MSANTD5: variants seen among roughly 807,000 people sequenced by gnomAD.
MSANTD5 encodes uncharacterized protein MSANTD5.
chr5:178,705,072 G>A, the MSANTD5 span, among the ~76,000 whole-genome samples: 2 of 151,324 alleles, frequency 1.3e-5, no homozygotes, highest in African/African-American at 4.9e-5. Flanking sequence ...TTTTTGAGAC[G>A]GAATCTTGCT....
intron 1 of MSANTD5, among the ~76,000 whole-genome samples, chr5:178,697,220 C>T (rs4257793): frequency 0.13 from 20,007 of 151,612 alleles, 1,584 homozygotes; most frequent in African/African-American, 0.21. Flanking sequence ...TTTGGGAGGC[C>T]GAGGCGGGCG....
downstream of MSANTD5, among the ~76,000 whole-genome samples, chr5:178,691,587 T>C (rs1453887877): frequency 1.5e-5 from 2 of 135,812 alleles, 1 homozygote; most frequent in Non-Finnish European, 3.3e-5. Context: ...TGAAAGCCCA[T>C]AAGAAGGGCA....
chr5:178,706,530 A>G, the MSANTD5 span, among the ~76,000 whole-genome samples: 2 of 151,852 alleles, frequency 1.3e-5, no homozygotes, highest in African/African-American at 4.8e-5. Context: ...CTCCAGTGGT[A>G]TAACTTTGCC....
At chr5:178,707,380 T>G in the MSANTD5 span, among the ~76,000 whole-genome samples, 1 of 151,870 alleles carries the variant, frequency 6.6e-6, no homozygotes, top group Admixed American at 6.6e-5. Context: ...ATAGGACACC[T>G]TCTACAGCCT....
upstream of MSANTD5, among the ~76,000 whole-genome samples, chr5:178,700,133 C>T (rs1765461223): frequency 1.3e-5 from 2 of 152,140 alleles, no homozygotes; most frequent in Non-Finnish European, 2.9e-5. Flanking sequence ...CTCCTGCAGG[C>T]CCCCGTCGCC....
upstream of MSANTD5, among the ~76,000 whole-genome samples, chr5:178,702,490 G>T (rs111783227): frequency 2.0e-5 from 3 of 151,658 alleles, no homozygotes; most frequent in Non-Finnish European, 2.9e-5. Context: ...TAGTAGAGAC[G>T]GGCTTTCACC....
At chr5:178,697,250 C>A (rs370133371) in intron 1 of MSANTD5, among the ~76,000 whole-genome samples, 1 of 150,414 alleles carries the variant, frequency 6.6e-6, no homozygotes, top group Non-Finnish European at 1.5e-5. Context: ...GTCAGGAGAT[C>A]GAGACCATCC....
At chr5:178,695,673 A>G (rs1454901471) in intron 2 of MSANTD5, 75 bp from the exon 3 acceptor site, 2 of 152,188 alleles carry the variant, frequency 1.3e-5, no homozygotes, top group African/African-American at 4.8e-5. Context: ...CTCTACATGG[A>G]CAGGTCCAAA....
rs1310570298 is a variant in MSANTD5, at chr5:178,696,105, T to C, written c.83A>G (p.Lys28Arg). Residue 28 changes from lysine (K) to arginine (R), a missense_variant, in exon 2 of 4, where the codon AAG becomes AGG. Transcript: ENST00000648368. ...CTCTGAGGACACTGTACCTGAGGGC[T>C]TTTCTGATCCCTGGGCTGTGTTTTC... 3 of 152,224 alleles carry C rather than the reference T, an allele frequency of 2.0e-5. No individual in the cohort carries two copies. The East Asian group carries it at 5.8e-4, about 29-fold the overall frequency. The allele number at this position is 152,224 out of a possible 1,614,324, so 9.4% of individuals were successfully genotyped here.
chr5:178,699,666 C>T (rs10479503), upstream of MSANTD5, among the ~76,000 whole-genome samples: 100,433 of 152,084 alleles, frequency 0.66, 34,853 homozygotes, highest in East Asian at 0.76. Flanking sequence ...CCACCTTGGC[C>T]TCCCAAAATG....
At chr5:178,702,334 T>C (rs1218034914), upstream of MSANTD5, among the ~76,000 whole-genome samples, 2 of 148,296 alleles carry the variant, frequency 1.3e-5, no homozygotes, top group African/African-American at 5.0e-5. Context: ...GGAGTCTCTC[T>C]CTGTCGCCCA....
downstream of MSANTD5, among the ~76,000 whole-genome samples, chr5:178,693,853 G>A (rs999689417): frequency 6.6e-6 from 1 of 151,918 alleles, no homozygotes; most frequent in Non-Finnish European, 1.5e-5. Flanking sequence ...GTCCCCACCC[G>A]ACCCAGAAGC....
At chr5:178,693,027 C>A (rs556432839), downstream of MSANTD5, among the ~76,000 whole-genome samples, 1 of 151,886 alleles carries the variant, frequency 6.6e-6, no homozygotes, top group Non-Finnish European at 1.5e-5. Flanking sequence ...AATAAGACCA[C>A]GGGCTGGGTT....
upstream of MSANTD5, among the ~76,000 whole-genome samples, chr5:178,701,122 C>T (rs998767198): frequency 1.3e-5 from 2 of 152,192 alleles, no homozygotes; most frequent in African/African-American, 4.8e-5. Flanking sequence ...TACAGGCGCC[C>T]GCCACCACGC....
downstream of MSANTD5, among the ~76,000 whole-genome samples, chr5:178,693,853 G>C (rs999689417): frequency 1.3e-5 from 2 of 151,918 alleles, no homozygotes; most frequent in African/African-American, 4.8e-5. Context: ...GTCCCCACCC[G>C]ACCCAGAAGC....
upstream of MSANTD5, among the ~76,000 whole-genome samples, chr5:178,701,557 G>A (rs188917349): frequency 6.0e-3 from 898 of 150,858 alleles, 1 homozygote; most frequent in Non-Finnish European, 8.9e-3. Flanking sequence ...AGGTAATCCC[G>A]GCTACGTGGG....
downstream of MSANTD5, among the ~76,000 whole-genome samples, chr5:178,691,809 C>T (rs1037506948): frequency 7.3e-6 from 1 of 136,376 alleles, no homozygotes; most frequent in Non-Finnish European, 1.7e-5. Context: ...CATCAGCCGC[C>T]AGGGAACTGA....
exon 4 of MSANTD5, chr5:178,694,937 A>C (rs904311500): frequency 6.6e-6 from 1 of 152,192 alleles, no homozygotes; most frequent in Non-Finnish European, 1.5e-5. Flanking sequence ...CCACATCTGC[A>C]CAGGGAGGAC....
downstream of MSANTD5, among the ~76,000 whole-genome samples, chr5:178,693,688 C>T (rs578159835): frequency 2.2e-4 from 33 of 152,134 alleles, no homozygotes; most frequent in South Asian, 3.9e-3. Context: ...CCCTTATTTG[C>T]CCCTGCCCAT....
Sources: allele counts gnomAD v4.1 joint callset (sites outside exome capture counted in the v4.1 genomes callset), GRCh38; gene constraint gnomAD v4.1.1; transcripts MANE v1.5; gene names NCBI Gene and HGNC (gene_info 2026-07-23, HGNC 2026-07-21).